The following CPEB2 variants were observed in gnomAD, a reference collection of about 807,000 sequenced individuals.
The protein encoded by CPEB2 is cytoplasmic polyadenylation element binding protein 2.
A neutral mutation model predicts 93.6 loss-of-function variants in CPEB2; 56 were observed. The ratio of observed to expected loss-of-function variants is 0.60; its 90% CI spans 0.48 to 0.75. The LOEUF (loss-of-function observed/expected upper bound fraction) is 0.75. Among genes scored for constraint, CPEB2 ranks in the 30% least tolerant of loss-of-function variants. CPEB2 has a pLI of 0.00. For synonymous variants in CPEB2, 764 were observed against 586.3 expected, an observed-to-expected ratio of 1.30 and a Z score of -4.38; for missense variants, 1,579 against 1,395.1, an observed-to-expected ratio of 1.13 and a Z score of -2.10.
intron 11 of CPEB2, among the ~76,000 whole-genome samples, chr4:15,063,160 T>C (rs1729361475): frequency 6.6e-6 from 1 of 152,076 alleles, no homozygotes; most frequent in Non-Finnish European, 1.5e-5. Flanking sequence ...TTCAAGCCTC[T>C]TCTGGGGCTG....
intron 6 of CPEB2, among the ~76,000 whole-genome samples, chr4:15,049,447 A>AT (rs34650608): frequency 0.48 from 73,130 of 151,676 alleles, 18,506 homozygotes; most frequent in East Asian, 0.75. Flanking sequence ...TGGATTTGTG[A>AT]TTTTTTTCCT....
At chr4:15,043,258 ATT>A (rs1727352672) in intron 6 of CPEB2, among the ~76,000 whole-genome samples, 1 of 152,224 alleles carries the variant, frequency 6.6e-6, no homozygotes, top group Non-Finnish European at 1.5e-5. Flanking sequence ...AGCTCCAGAT[ATT>A]AATTTATGAA....
chr4:15,059,363 A>G (rs1728991313), intron 10 of CPEB2, 62 bp downstream of exon 10: 2 of 1,116,362 alleles, frequency 1.8e-6, no homozygotes, highest in Non-Finnish European at 1.3e-6. Flanking sequence ...AGTCAATTTA[A>G]TAAACGTTTG....
At chr4:15,041,107 G>A (rs977885896) in intron 6 of CPEB2, among the ~76,000 whole-genome samples, 1 of 151,616 alleles carries the variant, frequency 6.6e-6, no homozygotes, top group Non-Finnish European at 1.5e-5. Flanking sequence ...TTCTTGTGTG[G>A]TATCCTAAGG....
rs1207074637 is a variant in CPEB2, at chr4:15,007,361, A to C, written c.1719A>C (p.Gly573=). 1.9e-6 allele frequency: 3 copies of C among 1,601,786 alleles called. No individual in the cohort carries two copies. Residue 573 remains glycine (G), a synonymous_variant, in exon 2 of 12, where the codon GGA becomes GGC. Coordinates refer to ENST00000538197, the MANE Select transcript of CPEB2 (RefSeq NM_001177382.2). ...ATCAGAGCAGTGGCTGGGGCACTGG[A>C]AGTATGTCCTGGGGAGCAATGCATG... is the stretch of plus-strand genomic sequence containing the variant. The part of the protein sequence containing the change: ...SNHQSSGWGT[G]SMSWGAMHGR...
chr4:15,064,067 C>T (rs750768783), intron 11 of CPEB2, among the ~76,000 whole-genome samples: 3 of 151,968 alleles, frequency 2.0e-5, no homozygotes, highest in Non-Finnish European at 4.4e-5. Context: ...CAGAGATACA[C>T]GGGATACTTA....
chr4:15,011,583 A>T (rs1723491922), intron 3 of CPEB2, among the ~76,000 whole-genome samples: 1 of 152,142 alleles, frequency 6.6e-6, no homozygotes. Flanking sequence ...TGAATGCCTG[A>T]GCCCCAGAGT....
chr4:15,006,330 A>G (rs749652367), intron 1 of CPEB2: 2 of 152,020 alleles, frequency 1.3e-5, no homozygotes, highest in Non-Finnish European at 1.5e-5. Flanking sequence ...TAGTAACTGT[A>G]TGGTTCATAC....
rs1300653075 is a variant in CPEB2 at position 15,052,501 on chromosome 4, A to G, written c.2288A>G (p.Tyr763Cys). 3 of 1,598,868 alleles carry G rather than the reference A, an allele frequency of 1.9e-6. No homozygotes were observed. Among genetic ancestry groups the G allele is most frequent in the Non-Finnish European group, 2.6e-6 (3 of 1,170,404 alleles). The change falls in exon 7 of 12, where the codon TAT becomes TGT. Residue 763 changes from tyrosine (Y) to cysteine (C), a missense_variant. This residue lies in a region of CPEB2 where 1,411 missense variants were observed against 1,056.0 expected (regional missense o/e 1.34). Coordinates refer to ENST00000538197, the MANE Select transcript of CPEB2 (RefSeq NM_001177382.2). ...QVGVLNSPTC[Y>C]SAHQNGERIE... ...GGAGTTTTAAATTCACCCACCTGTTATTCAGCTCACCAAAATGGAGAGCGA... is the reference window on the plus strand; with the variant it reads ...GGAGTTTTAAATTCACCCACCTGTTGTTCAGCTCACCAAAATGGAGAGCGA...
At chr4:15,007,773 T>G (rs1459010665) in intron 2 of CPEB2, among the ~76,000 whole-genome samples, 187 bp downstream of exon 2, 1 of 152,204 alleles carries the variant, frequency 6.6e-6, no homozygotes, top group Non-Finnish European at 1.5e-5. Flanking sequence ...AAAATAATTC[T>G]CTAAACACGC....
In CPEB2 at chr4:15,004,199, A is replaced by T; in HGVS notation, c.1526A>T (p.Gln509Leu). ...CCGCCGCCCGCCATGAATATACCTC[A>T]ACAGCAGCCCCCGCCGCCCGCGGCG... The part of the protein sequence containing the change: ...PPPPPAMNIP[Q>L]QQPPPPAAPQ... The change falls in exon 1 of 12, where the codon CAA becomes CTA. Residue 509 changes from glutamine (Q) to leucine (L), a missense_variant. Physicochemically the swap from Gln to Leu is moderately radical, Grantham distance 113. This residue lies in a region of CPEB2 where 1,411 missense variants were observed against 1,056.0 expected (regional missense o/e 1.34). Transcript: ENST00000538197. The T allele has an allele frequency of 6.8e-7, 1 of 1,478,258 alleles. No homozygotes were observed. The highest frequency in any genetic ancestry group is 8.9e-7 in the Non-Finnish European group (1 of 1,119,046). 91.6% of individuals were successfully genotyped at this position (1,478,258 alleles called of 1,614,324 possible).
intron 5 of CPEB2, among the ~76,000 whole-genome samples, chr4:15,038,523 G>A (rs1039219330): frequency 2.6e-5 from 4 of 151,326 alleles, no homozygotes; most frequent in African/African-American, 7.3e-5. Flanking sequence ...CCTGTGAAGT[G>A]TTTTGGGGAC....
At chr4:15,006,900 C>T (rs1241064760) in intron 1 of CPEB2, among the ~76,000 whole-genome samples, 2 of 152,070 alleles carry the variant, frequency 1.3e-5, no homozygotes, top group African/African-American at 4.8e-5. Flanking sequence ...TTAACAAAGA[C>T]CATATTTTTA....
chr4:15,033,015 G>T (rs2109029257), intron 4 of CPEB2, 146 bp from the exon 5 acceptor site: 2 of 556,962 alleles, frequency 3.6e-6, no homozygotes, highest in South Asian at 2.5e-5. Flanking sequence ...ACTTTTAGTT[G>T]AACATAAGCT....
chr4:15,040,632 A>T (rs968000322), intron 6 of CPEB2, 145 bp downstream of exon 6: 3 of 665,576 alleles, frequency 4.5e-6, no homozygotes, highest in Admixed American at 3.0e-5. Context: ...GAAGTTTTTA[A>T]TTTTAAATCT....
At chr4:15,018,485 C>CTTT (rs1253925654) in intron 4 of CPEB2, among the ~76,000 whole-genome samples, 5 of 139,404 alleles carry the variant, frequency 3.6e-5, no homozygotes, top group African/African-American at 1.3e-4. Context: ...GTTTGAGTTT[C>CTTT]TTTTTTTTTT....
At chr4:15,054,082 A>T in intron 7 of CPEB2, 46 bp from the exon 8 acceptor site, 1 of 1,315,900 alleles carries the variant, frequency 7.6e-7, no homozygotes, top group Non-Finnish European at 1.1e-6. Flanking sequence ...TCTTAGAACG[A>T]ATCACTGAAA....
chr4:15,058,293 A>G, intron 8 of CPEB2, 128 bp from the exon 9 acceptor site: 1 of 627,094 alleles, frequency 1.6e-6, no homozygotes, highest in East Asian at 2.6e-5. Flanking sequence ...GTAGAAGGTA[A>G]ATGGTTTTTC....
chr4:15,020,626 G>C (rs1218306929), intron 4 of CPEB2, among the ~76,000 whole-genome samples: 2 of 152,094 alleles, frequency 1.3e-5, no homozygotes, highest in Non-Finnish European at 2.9e-5. Context: ...ATAGCAGGTA[G>C]GAAGGGTCTA....
Sources: gnomAD v4.1 joint callset for allele counts (sites outside exome capture counted in the v4.1 genomes callset) on GRCh38, gnomAD v4.1.1 for gene constraint, gnomAD v4.1.1 regional missense constraint, MANE v1.5 for transcripts, NCBI Gene and HGNC (gene_info 2026-07-23, HGNC 2026-07-21) for gene names.